FAT4: variants seen among roughly 807,000 people sequenced by gnomAD.
The protein encoded by FAT4 is protocadherin Fat 4.
Under a neutral mutation model 303.9 loss-of-function variants are expected in FAT4, and 84 were observed. The observed-to-expected ratio is 0.28, with a 90% CI of 0.23 to 0.33. FAT4 has a LOEUF of 0.33. Ranked by LOEUF, FAT4 falls within the 10% of genes least tolerant of loss-of-function variation. The probability of loss-of-function intolerance (pLI) is 1.00; values close to 1 mark genes in which losing one functional copy is unlikely to be tolerated. For missense variants in FAT4, 6,005 were observed against 6,146.8 expected, an observed-to-expected ratio of 0.98 and a Z score of 0.77; for synonymous variants, 2,307 against 2,298.8, an observed-to-expected ratio of 1.00 and a Z score of -0.10.
intron 10 of FAT4, among the ~76,000 whole-genome samples, chr4:125,457,969 A>G (rs1268639970): frequency 1.3e-5 from 2 of 152,048 alleles, no homozygotes; most frequent in African/African-American, 4.8e-5. Context: ...TACTGCTGCC[A>G]GGTTTTCGCT....
At chr4:125,475,245 G>A (rs1156392356) in intron 12 of FAT4, among the ~76,000 whole-genome samples, 1 of 151,304 alleles carries the variant, frequency 6.6e-6, no homozygotes, top group Non-Finnish European at 1.5e-5. Context: ...CAAAGGAGGT[G>A]TATCACAATA....
chr4:125,389,343 T>C (rs1158543240), intron 2 of FAT4, among the ~76,000 whole-genome samples: 2 of 152,152 alleles, frequency 1.3e-5, no homozygotes, highest in African/African-American at 4.8e-5. Context: ...TTATATCATG[T>C]TTCTTGTACT....
chr4:125,470,252 GAT>G (rs1726810778), intron 12 of FAT4, among the ~76,000 whole-genome samples: 1 of 152,136 alleles, frequency 6.6e-6, no homozygotes, highest in African/African-American at 2.4e-5. Flanking sequence ...ATAGAGCACA[GAT>G]GCAGTAGATT....
intron 2 of FAT4, among the ~76,000 whole-genome samples, chr4:125,395,362 T>A (rs1207141534): frequency 4.6e-5 from 7 of 152,134 alleles, no homozygotes; most frequent in Non-Finnish European, 1.0e-4. Flanking sequence ...GAGGCTGGAG[T>A]GCAGTGATGC....
chr4:125,375,363 T>C (rs1387458314), intron 2 of FAT4, among the ~76,000 whole-genome samples: 1 of 152,228 alleles, frequency 6.6e-6, no homozygotes, highest in East Asian at 1.9e-4. Flanking sequence ...AGGCAGTTAA[T>C]ACAAAGTAAA....
intron 5 of FAT4, among the ~76,000 whole-genome samples, chr4:125,411,844 G>T: frequency 3.0e-5 from 1 of 33,466 alleles, no homozygotes; most frequent in Non-Finnish European, 6.0e-5. Context: ...TATATAGTGT[G>T]TGTGTATGTG....
Position 125,452,116 on chromosome 4 carries a change from C to T in FAT4, c.11106C>T (p.Phe3702=), listed in dbSNP as rs746330545. The part of the protein sequence containing the change: ...HSTVTSNIRV[F]FAGFSNATVD... ...CAGTCACGAGCAACATCCGAGTTTT[C>T]TTTGCTGGATTTTCCAATGCCACAG... Residue 3702 remains phenylalanine (F), a synonymous_variant, in exon 10 of 18, where the codon TTC becomes TTT. Transcript: ENST00000394329. The T allele has an allele frequency of 1.2e-6, 2 of 1,614,046 alleles. No homozygotes were observed. The highest frequency in any genetic ancestry group is 2.7e-5 in the African/African-American group (2 of 74,904).
At position 125,479,771 on chromosome 4, in the gene FAT4, C is replaced by A; in HGVS notation, c.12510C>A (p.Arg4170=). The A allele has an allele frequency of 3.1e-6, 5 of 1,598,902 alleles. No homozygotes were observed. Among genetic ancestry groups the A allele is most frequent in the Non-Finnish European group, 4.3e-6 (5 of 1,169,096 alleles). ...CTAGGCTGGAAGGCGCTTGTACTCGCAGCCCATGCCAACATGGTGGCACAT... is the reference window on the plus strand; with the variant it reads ...CTAGGCTGGAAGGCGCTTGTACTCGAAGCCCATGCCAACATGGTGGCACAT... ...QCPRLEGACT[R]SPCQHGGTCM... is the part of the protein sequence containing the mutation. The change falls in exon 15 of 18, where the codon CGC becomes CGA. Residue 4170 remains arginine (R), a synonymous_variant. Transcript: ENST00000394329.
rs1484452218 is a variant in FAT4 at position 125,471,655 on chromosome 4, A to G, written c.12213+2836A>G. On this transcript the variant is annotated intron_variant, in intron 12 of 17. Coordinates refer to ENST00000394329, the MANE Select transcript of FAT4 (RefSeq NM_001291303.3). Reference sequence around the variant, plus strand: ...TATTTATCTTCACAACTATCTCTCCATATTTCCCCCATCTCTAACAGCTAT... The same window carrying G: ...TATTTATCTTCACAACTATCTCTCCGTATTTCCCCCATCTCTAACAGCTAT... Among the ~76,000 whole-genome samples the G allele has an allele frequency of 2.0e-5, 3 of 151,936 alleles. No homozygotes were observed. The East Asian group carries it at 5.8e-4, about 29-fold the overall frequency.
At chr4:125,391,183 A>G (rs188834406) in intron 2 of FAT4, among the ~76,000 whole-genome samples, 6 of 152,302 alleles carry the variant, frequency 3.9e-5, no homozygotes, top group Middle Eastern at 3.4e-3. Flanking sequence ...TACCCAAAGG[A>G]ATATAAATCA....
At chr4:125,421,518 A>C (rs1724887683) in intron 7 of FAT4, among the ~76,000 whole-genome samples, 1 of 152,236 alleles carries the variant, frequency 6.6e-6, no homozygotes. Context: ...TATACCCTCA[A>C]AAATAAATTT....
chr4:125,461,533 A>G (rs182714477), intron 10 of FAT4, among the ~76,000 whole-genome samples: 10 of 152,108 alleles, frequency 6.6e-5, no homozygotes, highest in Non-Finnish European at 1.5e-4. Context: ...TGTTTTCATG[A>G]TAACAAGGCT....
intron 8 of FAT4, among the ~76,000 whole-genome samples, chr4:125,439,481 CA>C (rs1221157006): frequency 6.6e-6 from 1 of 151,292 alleles, no homozygotes; most frequent in Non-Finnish European, 1.5e-5. Context: ...TACAGGCACC[CA>C]CCACCATGCC....
chr4:125,390,783 C>G (rs560139107), intron 2 of FAT4, among the ~76,000 whole-genome samples: 2 of 152,178 alleles, frequency 1.3e-5, no homozygotes, highest in East Asian at 3.9e-4. Context: ...TGTGTAGGAC[C>G]TTTTATTCCA....
intron 3 of FAT4, among the ~76,000 whole-genome samples, chr4:125,405,227 GT>G (rs1342447469): frequency 6.6e-6 from 1 of 151,904 alleles, no homozygotes; most frequent in Non-Finnish European, 1.5e-5. Flanking sequence ...TATTTAGTTT[GT>G]TTCCAAATCA....
At chr4:125,324,970 A>G (rs1731096301) in intron 2 of FAT4, among the ~76,000 whole-genome samples, 1 of 152,140 alleles carries the variant, frequency 6.6e-6, no homozygotes, top group Admixed American at 6.5e-5. Context: ...AATCTCTTTA[A>G]TATCTAGCTC....
rs748950617 is a variant in FAT4, at chr4:125,452,245, C to T, written c.11235C>T (p.Gly3745=). ...FLRIASSQLT[G]LGTAVQLYSA... is the part of the protein sequence containing the mutation. ...GCATTGCCAGCTCACAGCTGACAGGCTTAGGGACTGCTGTGCAACTGTACA... is the reference window on the plus strand; with the variant it reads ...GCATTGCCAGCTCACAGCTGACAGGTTTAGGGACTGCTGTGCAACTGTACA... Residue 3745 remains glycine, a synonymous_variant, in exon 10 of 18, where the codon GGC becomes GGT. Transcript: ENST00000394329. The T allele has an allele frequency of 6.2e-7, 1 of 1,614,238 alleles. No homozygotes were observed. Among genetic ancestry groups the T allele is most frequent in the Non-Finnish European group, 8.5e-7 (1 of 1,180,032 alleles).
chr4:125,391,557 T>A (rs7687257), intron 2 of FAT4, among the ~76,000 whole-genome samples: 1 of 152,042 alleles, frequency 6.6e-6, no homozygotes, highest in Non-Finnish European at 1.5e-5. Flanking sequence ...TGGAGGTTGG[T>A]TCAATCAGTG....
chr4:125,328,720 T>G (rs1302834620), intron 2 of FAT4, among the ~76,000 whole-genome samples: 1 of 152,190 alleles, frequency 6.6e-6, no homozygotes. Context: ...TTGCAATGGT[T>G]CTGGAGGTAG....
Sources: allele counts gnomAD v4.1 joint callset (sites outside exome capture counted in the v4.1 genomes callset), GRCh38; gene constraint gnomAD v4.1.1; transcripts MANE v1.5; gene names NCBI Gene and HGNC (gene_info 2026-07-23, HGNC 2026-07-21).